The following NT5E variants were observed in gnomAD, a reference collection of about 807,000 sequenced individuals.
NT5E encodes the protein 5'-nucleotidase.
Under a neutral mutation model 55.1 loss-of-function variants are expected in NT5E, and 53 were observed. The observed-to-expected ratio is 0.96, with a 90% CI of 0.77 to 1.21. The LOEUF is 1.21. NT5E is among the 50% of genes most tolerant of loss of function. NT5E has a pLI of 0.00. For missense variants in NT5E, 683 were observed against 724.3 expected (o/e 0.94, Z 0.65); for synonymous variants, 270 against 278.4 (o/e 0.97, Z 0.30).
intron 1 of NT5E, among the ~76,000 whole-genome samples, chr6:85,461,032 C>T (rs2127755065): frequency 6.6e-6 from 1 of 152,350 alleles, no homozygotes; most frequent in African/African-American, 2.4e-5. Flanking sequence ...TTGATCAAAG[C>T]AGTCCCTCTC....
chr6:85,486,645 C>T (rs577215600), intron 4 of NT5E, among the ~76,000 whole-genome samples: 6 of 152,324 alleles, frequency 3.9e-5, no homozygotes, highest in East Asian at 3.9e-4. Flanking sequence ...AAGCACATCA[C>T]GTGCTGTTGG....
At chr6:85,492,973 T>C (rs532733552) in intron 8 of NT5E, among the ~76,000 whole-genome samples, 2 of 152,276 alleles carry the variant, frequency 1.3e-5, no homozygotes, top group East Asian at 3.9e-4. Flanking sequence ...TGCTGGCTTC[T>C]TCTGTCCCTT....
chr6:85,469,014 G>A (rs1248830779), intron 2 of NT5E, among the ~76,000 whole-genome samples: 2 of 152,228 alleles, frequency 1.3e-5, no homozygotes. Flanking sequence ...CAGGCCCAGC[G>A]GCCTGGTGTG....
chr6:85,487,303 A>C (rs1769687527), intron 4 of NT5E, 32 bp from the exon 5 acceptor site: 1 of 1,592,432 alleles, frequency 6.3e-7, no homozygotes, highest in African/African-American at 1.3e-5. Flanking sequence ...TGTGAGATTT[A>C]ATTGTAGGGT....
At position 85,494,171 on chromosome 6, in the gene NT5E, G is replaced by T. The variant is rs546820727; in HGVS notation, c.*167G>T. The stretch of plus-strand genomic sequence containing the variant: ...GAAGAGACAGACATGATTACTCAGG[G>T]TCAGCAACCTAGTGAGTTAGAAAAA... On this transcript the variant is annotated 3_prime_UTR_variant, in exon 9 of 9. Transcript: ENST00000257770. The T allele has an allele frequency of 4.4e-6, 3 of 688,632 alleles. No individual in the cohort carries two copies. The highest frequency in any genetic ancestry group is 3.6e-5 in the South Asian group (2 of 55,554). The allele number at this position is 688,632 out of a possible 1,614,324, so 42.7% of individuals were successfully genotyped here. A position where few individuals can be genotyped will look rare whatever the true frequency, so the allele number is the denominator to read the frequency against.
At chr6:85,456,053 T>G (rs892117970) in intron 1 of NT5E, among the ~76,000 whole-genome samples, 3 of 152,120 alleles carry the variant, frequency 2.0e-5, no homozygotes, top group Admixed American at 6.5e-5. Flanking sequence ...CTCTCCCACT[T>G]CTAGAGGGTA....
intron 3 of NT5E, among the ~76,000 whole-genome samples, chr6:85,478,594 T>G (rs1224497417): frequency 6.6e-6 from 1 of 152,166 alleles, no homozygotes; most frequent in Non-Finnish European, 1.5e-5. Flanking sequence ...ACTCAACCAC[T>G]CTGAGCATCA....
chr6:85,461,802 C>T (rs1375194628), intron 1 of NT5E, among the ~76,000 whole-genome samples: 2 of 152,072 alleles, frequency 1.3e-5, no homozygotes, highest in East Asian at 1.9e-4. Context: ...GCCTGGCACC[C>T]CTCTCTCTTC....
At chr6:85,456,084 C>A (rs4400191) in intron 1 of NT5E, among the ~76,000 whole-genome samples, 1 of 152,050 alleles carries the variant, frequency 6.6e-6, no homozygotes, top group Admixed American at 6.5e-5. Flanking sequence ...AGATTGAGTT[C>A]GGTCTCCAAC....
At chr6:85,483,327 A>G (rs921646955) in intron 3 of NT5E, among the ~76,000 whole-genome samples, 1 of 152,242 alleles carries the variant, frequency 6.6e-6, no homozygotes, top group Non-Finnish European at 1.5e-5. Flanking sequence ...AGAGGAACTG[A>G]CAGAGGCTGC....
intron 1 of NT5E, among the ~76,000 whole-genome samples, chr6:85,465,495 G>T (rs1339588780): frequency 1.3e-5 from 2 of 152,132 alleles, no homozygotes; most frequent in African/African-American, 4.8e-5. Context: ...GCAACAACCT[G>T]TAAGACCAGA....
At chr6:85,476,052 C>T (rs1369768195) in intron 3 of NT5E, among the ~76,000 whole-genome samples, 1 of 152,176 alleles carries the variant, frequency 6.6e-6, no homozygotes, top group Non-Finnish European at 1.5e-5. Context: ...TAATCACCTC[C>T]AAGCAATGTC....
chr6:85,451,370 C>G (rs1768854237), intron 1 of NT5E, among the ~76,000 whole-genome samples: 1 of 152,128 alleles, frequency 6.6e-6, no homozygotes, highest in African/African-American at 2.4e-5. Context: ...GCTCTTAAAA[C>G]ATGTGCAAAA....
At chr6:85,466,793 A>G (rs947900988) in intron 1 of NT5E, among the ~76,000 whole-genome samples, 2 of 152,244 alleles carry the variant, frequency 1.3e-5, no homozygotes, top group African/African-American at 2.4e-5. Flanking sequence ...CCTGCCCCCA[A>G]TCTGAGATGG....
At position 85,450,333 on chromosome 6, in the gene NT5E, T is replaced by A; in HGVS notation, c.194T>A (p.Phe65Tyr). 3.8e-6 allele frequency: 6 copies of A among 1,597,320 alleles called. No individual in the cohort carries two copies. Among genetic ancestry groups the A allele is most frequent in the Non-Finnish European group, 5.1e-6 (6 of 1,173,274 alleles). The change falls in exon 1 of 9, where the codon TTC becomes TAC. Residue 65 changes from phenylalanine (F) to tyrosine (Y), a missense_variant. Physicochemically the swap from Phe to Tyr is conservative, Grantham distance 22 (BLOSUM62 3). Coordinates refer to ENST00000257770, the MANE Select transcript of NT5E (RefSeq NM_002526.4). This position sits in a 1 kb window ranked among gnomAD's most constrained non-coding sequence, Gnocchi z 4.0. ...TGCATGGGTGGCGTGGCTCGGCTCT[T>A]CACCAAGGTTCAGCAGATCCGCCGC... ...SRCMGGVARL[F>Y]TKVQQIRRAE...
At chr6:85,462,504 C>A (rs1370731896) in intron 1 of NT5E, among the ~76,000 whole-genome samples, 1 of 152,158 alleles carries the variant, frequency 6.6e-6, no homozygotes, top group African/African-American at 2.4e-5. Context: ...CTCTCCATAA[C>A]ACCTCTACTG....
intron 1 of NT5E, among the ~76,000 whole-genome samples, chr6:85,451,936 C>G (rs894928830): frequency 6.6e-6 from 1 of 152,176 alleles, no homozygotes; most frequent in Non-Finnish European, 1.5e-5. Flanking sequence ...AAGCTCCCTC[C>G]GTTCTGATGC....
intron 3 of NT5E, among the ~76,000 whole-genome samples, chr6:85,483,660 A>C (rs1013437951): frequency 6.6e-6 from 1 of 152,180 alleles, no homozygotes; most frequent in African/African-American, 2.4e-5. Context: ...TGGTATTTGC[A>C]GTGCTTCTGC....
intron 3 of NT5E, among the ~76,000 whole-genome samples, chr6:85,482,186 A>G (rs1029385934): frequency 3.9e-5 from 6 of 152,282 alleles, no homozygotes; most frequent in Admixed American, 3.3e-4. Context: ...ACAACATTCT[A>G]TACTTCAGTC....
Sources: allele counts gnomAD v4.1 joint callset (sites outside exome capture counted in the v4.1 genomes callset), GRCh38; gene constraint gnomAD v4.1.1; non-coding constraint Gnocchi (gnomAD v3.1); transcripts MANE v1.5; gene names NCBI Gene and HGNC (gene_info 2026-07-23, HGNC 2026-07-21).